PTGFR: variants seen among roughly 807,000 people sequenced by gnomAD.
PTGFR encodes prostaglandin F receptor.
A neutral mutation model predicts 26.2 loss-of-function variants in PTGFR; 15 were observed. The ratio of observed to expected loss-of-function variants is 0.57; its 90% CI spans 0.38 to 0.88. PTGFR has a LOEUF of 0.88. PTGFR is among the 40% of genes least tolerant of loss of function. The probability of loss-of-function intolerance (pLI) is 0.00; values close to 1 mark genes in which losing one functional copy is unlikely to be tolerated. For synonymous variants in PTGFR, 165 were observed against 151.1 expected, an observed-to-expected ratio of 1.09 and a Z score of -0.68; for missense variants, 369 against 427.2, an observed-to-expected ratio of 0.86 and a Z score of 1.20.
At chr1:78,520,431 T>C (rs1375820220) in intron 2 of PTGFR, among the ~76,000 whole-genome samples, 1 of 151,644 alleles carries the variant, frequency 6.6e-6, no homozygotes, top group Non-Finnish European at 1.5e-5. Flanking sequence ...ACCACAAAAC[T>C]TGGTAGCTTA....
chr1:78,497,760 A>G, intron 2 of PTGFR: 1 of 724,930 alleles, frequency 1.4e-6, no homozygotes, highest in Non-Finnish European at 2.4e-6. Context: ...CAGACTCTGA[A>G]ACCAAATGGT....
chr1:78,493,909 A>G (rs1267012318), intron 2 of PTGFR, among the ~76,000 whole-genome samples: 3 of 152,270 alleles, frequency 2.0e-5, no homozygotes, highest in Non-Finnish European at 4.4e-5. Context: ...AGAAAGTCAC[A>G]TGAACTTTTA....
At chr1:78,531,909 T>C (rs891001074) in intron 2 of PTGFR, among the ~76,000 whole-genome samples, 1 of 152,132 alleles carries the variant, frequency 6.6e-6, no homozygotes, top group Non-Finnish European at 1.5e-5. Flanking sequence ...TTCAATATGT[T>C]CTACATATTA....
At chr1:78,502,862 G>A (rs61769127) in intron 2 of PTGFR, among the ~76,000 whole-genome samples, 7,990 of 152,130 alleles carry the variant, frequency 0.053, 251 homozygotes, top group African/African-American at 0.088. Context: ...AAGATAAAAA[G>A]AGAAGAGATA....
rs1391959043 is a variant in PTGFR, at chr1:78,536,473, C to G, written c.866C>G (p.Ala289Gly). ...SLETCETTLF[A>G]LRMATWNQIL... ...GAAACCTGTGAAACAACACTTTTTG[C>G]TCTCCGAATGGCAACATGGAATCAA... The change falls in exon 3 of 3, where the codon GCT (alanine) becomes GGT (glycine). Residue 289 changes from alanine (A) to glycine (G), a missense_variant. Coordinates refer to ENST00000370757, the MANE Select transcript of PTGFR (RefSeq NM_000959.4). The G allele has an allele frequency of 6.2e-7, 1 of 1,612,710 alleles. No homozygotes were observed. Among genetic ancestry groups the G allele is most frequent in the Non-Finnish European group, 8.5e-7 (1 of 1,179,278 alleles).
intron 2 of PTGFR, among the ~76,000 whole-genome samples, chr1:78,497,703 T>C (rs1649590375): frequency 6.6e-6 from 1 of 152,150 alleles, no homozygotes; most frequent in Admixed American, 6.5e-5. Flanking sequence ...AGATTGGAAA[T>C]GATTGACCAG....
rs760385835 is a variant in PTGFR at position 78,540,218 on chromosome 1, A to G, written c.*3531A>G. ...TCACACACAGGCTGTTAGAATATCC[A>G]TCTGGAGGCAACACACATTTGCATA... On this transcript the variant is annotated 3_prime_UTR_variant, in exon 3 of 3. Transcript: ENST00000370757. 3.9e-5 allele frequency among the ~76,000 whole-genome samples: 6 copies of G among 152,108 alleles called. No individual in the cohort carries two copies. Among genetic ancestry groups the G allele is most frequent in the African/African-American group, 7.2e-5 (3 of 41,438 alleles).
At chr1:78,514,596 C>T (rs529354417) in intron 2 of PTGFR, among the ~76,000 whole-genome samples, 14 of 151,646 alleles carry the variant, frequency 9.2e-5, no homozygotes, top group African/African-American at 3.1e-4. Flanking sequence ...CTTTGGAGGA[C>T]TATTGCGAAG....
At chr1:78,533,758 G>A (rs548998526) in intron 2 of PTGFR, among the ~76,000 whole-genome samples, 6 of 152,256 alleles carry the variant, frequency 3.9e-5, no homozygotes, top group South Asian at 4.1e-4. Context: ...GAGATGATGC[G>A]ATAACATCCA....
At chr1:78,501,003 C>CTT (rs33988664) in intron 2 of PTGFR, among the ~76,000 whole-genome samples, 3 of 148,532 alleles carry the variant, frequency 2.0e-5, no homozygotes, top group African/African-American at 4.9e-5. Flanking sequence ...AAAACATGAC[C>CTT]TTTTTTTTTT....
intron 2 of PTGFR, among the ~76,000 whole-genome samples, chr1:78,520,876 G>A (rs1043031950): frequency 2.0e-5 from 3 of 152,064 alleles, no homozygotes; most frequent in Non-Finnish European, 4.4e-5. Context: ...TGAGAATCAA[G>A]TTCCATGAGG....
chr1:78,517,636 T>C (rs2100380276), intron 2 of PTGFR, among the ~76,000 whole-genome samples: 1 of 152,254 alleles, frequency 6.6e-6, no homozygotes, highest in East Asian at 1.9e-4. Context: ...GCAAAGGTCA[T>C]TCACTGGAGC....
intron 2 of PTGFR, among the ~76,000 whole-genome samples, chr1:78,503,208 A>C (rs565215716): frequency 3.5e-4 from 53 of 150,700 alleles, no homozygotes; most frequent in Middle Eastern, 3.4e-3. Flanking sequence ...AAATTTTTCA[A>C]GTAATAAAAT....
chr1:78,519,225 T>C (rs575949506), intron 2 of PTGFR, among the ~76,000 whole-genome samples: 1 of 152,248 alleles, frequency 6.6e-6, no homozygotes, highest in East Asian at 1.9e-4. Context: ...GAACCTCTCC[T>C]CCTAATTAAA....
intron 2 of PTGFR, among the ~76,000 whole-genome samples, chr1:78,515,659 G>T (rs1650075251): frequency 6.6e-6 from 1 of 152,140 alleles, no homozygotes; most frequent in Non-Finnish European, 1.5e-5. Context: ...CAAGAAATCT[G>T]CTGTGATTAT....
intron 2 of PTGFR, chr1:78,532,329 C>T: frequency 6.0e-6 from 1 of 167,740 alleles, no homozygotes; most frequent in South Asian, 1.1e-4. Flanking sequence ...CCTGAGGCTC[C>T]AGAACTGGAA....
rs562933812 is a variant in PTGFR at position 78,508,311 on chromosome 1, T to G, written c.798+14770T>G. 2.6e-5 allele frequency among the ~76,000 whole-genome samples: 4 copies of G among 152,356 alleles called. No individual in the cohort carries two copies. In the South Asian group the frequency reaches 8.3e-4, roughly 32 times the overall value. ...GACAGATTTGGTATTCTGTTTTTAT[T>G]GCATTCTTTATGTTTTGAAATTTAA... On this transcript the variant is annotated intron_variant, in intron 2 of 2. Coordinates refer to ENST00000370757, the MANE Select transcript of PTGFR (RefSeq NM_000959.4).
Position 78,493,143 on chromosome 1 carries a change from T to C in PTGFR, c.400T>C (p.Cys134Arg). ...LLGSVMAIER[C>R]IGVTKPIFHS... ...AGGCAGTGTGATGGCCATTGAGCGG[T>C]GTATTGGAGTCACAAAACCAATATT... Residue 134 changes from cysteine to arginine, a missense_variant, in exon 2 of 3, where the codon TGT becomes CGT. Coordinates refer to ENST00000370757, the MANE Select transcript of PTGFR (RefSeq NM_000959.4). 6.2e-7 allele frequency: 1 copy of C among 1,614,240 alleles called. No individual in the cohort carries two copies. Among genetic ancestry groups the C allele is most frequent in the South Asian group, 1.1e-5 (1 of 91,082 alleles).
chr1:78,508,412 T>C (rs1156468838), intron 2 of PTGFR, among the ~76,000 whole-genome samples: 1 of 152,226 alleles, frequency 6.6e-6, no homozygotes, highest in African/African-American at 2.4e-5. Context: ...TGAGTATTAC[T>C]GTAGTCCAAA....
Sources: gnomAD v4.1 joint callset for allele counts (sites outside exome capture counted in the v4.1 genomes callset) on GRCh38, gnomAD v4.1.1 for gene constraint, MANE v1.5 for transcripts, NCBI Gene and HGNC (gene_info 2026-07-23, HGNC 2026-07-21) for gene names.